RIPK4: variants seen among roughly 807,000 people sequenced by gnomAD.
RIPK4 encodes the protein receptor interacting serine/threonine kinase 4.
RIPK4 carries 17 observed loss-of-function variants against 42.9 expected under a neutral mutation model. The ratio of observed to expected loss-of-function variants is 0.40; its 90% CI spans 0.27 to 0.59. The LOEUF (loss-of-function observed/expected upper bound fraction) is 0.59. Among genes scored for constraint, RIPK4 ranks in the 20% least tolerant of loss-of-function variants. The probability of loss-of-function intolerance (pLI) is 0.47; values close to 1 mark genes in which losing one functional copy is unlikely to be tolerated. For missense variants in RIPK4, 897 were observed against 1,104.4 expected (o/e 0.81, Z 2.66); for synonymous variants, 498 against 499.1 (o/e 1.00, Z 0.03).
Position 41,746,750 on chromosome 21 carries a change from A to T in RIPK4, c.695T>A (p.Ile232Asn). The change falls in exon 5 of 8, where the codon ATC (isoleucine) becomes AAC (asparagine). Residue 232 changes from isoleucine (I) to asparagine (N), a missense_variant. Ile to Asn is a moderately radical substitution (Grantham distance 149). Transcript: ENST00000332512. ...PFADEKNILH[I>N]MVKVVKGHRP... ...GTGGCCCTTCACCACCTTCACCATG[A>T]TGTGCAGGATGTTCTTCTCATCTGC... The T allele has an allele frequency of 5.6e-6, 9 of 1,600,296 alleles. No homozygotes were observed. The highest frequency in any genetic ancestry group is 7.7e-6 in the Non-Finnish European group (9 of 1,174,154).
At chr21:41,760,977 G>A (rs1473835427) in intron 1 of RIPK4, among the ~76,000 whole-genome samples, 1 of 152,186 alleles carries the variant, frequency 6.6e-6, no homozygotes, top group East Asian at 1.9e-4. Flanking sequence ...GCCTGTGGGG[G>A]TCCCTGGGCT....
chr21:41,755,113 T>TG lies in RIPK4; in HGVS notation c.474+1411dup, dbSNP rs1211139832. On this transcript the variant is annotated intron_variant, in intron 2 of 7. Coordinates refer to ENST00000332512, the MANE Select transcript of RIPK4 (RefSeq NM_020639.3). The surrounding 1 kb of genome is among the most constrained non-coding windows in gnomAD (Gnocchi z 4.2). ...ACAAGCCCGTAAATGTTGGCGGGAA[T>TG]GGGGGGTCCGCATGTGAGGCCCAGC... is the stretch of plus-strand genomic sequence containing the variant. 3.3e-5 allele frequency among the ~76,000 whole-genome samples: 5 copies of TG among 151,802 alleles called. No homozygotes were observed. The highest frequency in any genetic ancestry group is 7.4e-5 in the Non-Finnish European group (5 of 67,936).
rs547713878 is a variant in RIPK4, at chr21:41,743,777, G to A, written c.1195+105C>T. 5.2e-4 allele frequency: 718 copies of A among 1,376,088 alleles called. 2 individuals are homozygous for A. The highest frequency in any genetic ancestry group is 5.1e-3 in the African/African-American group (355 of 69,180). The allele number at this position is 1,376,088 out of a possible 1,614,324, so 85.2% of individuals were successfully genotyped here. On this transcript the variant is annotated intron_variant, in intron 7 of 7. Transcript: ENST00000332512. Reference sequence around the variant, plus strand: ...GAGAACACAAAGAAGAATTCTTGCTGGGTCAAGAAACTGTCCCCTTGATTC... The same window carrying A: ...GAGAACACAAAGAAGAATTCTTGCTAGGTCAAGAAACTGTCCCCTTGATTC...
chr21:41,751,261 C>G lies in RIPK4; in HGVS notation c.475-16G>C, dbSNP rs767849591. ...AATCAGAAATCTGCAACACAGCCAT[C>G]AGAGCGGGGCTCATTAGCCTGCAAC... On this transcript the variant is annotated splice_polypyrimidine_tract_variant and intron_variant, in intron 2 of 7. Coordinates refer to ENST00000332512, the MANE Select transcript of RIPK4 (RefSeq NM_020639.3). This position sits in a 1 kb window ranked among gnomAD's most constrained non-coding sequence, Gnocchi z 4.5. 1.2e-6 allele frequency: 2 copies of G among 1,613,218 alleles called. No homozygotes were observed. The highest frequency in any genetic ancestry group is 1.7e-6 in the Non-Finnish European group (2 of 1,179,476).
Position 41,739,587 on chromosome 21 carries a change from C to G in RIPK4, c.*1251G>C, listed in dbSNP as rs2061146039. On this transcript the variant is annotated 3_prime_UTR_variant, in exon 8 of 8. Transcript: ENST00000332512. ...TATCAATCTCTATCATATACCAGGC[C>G]ACGGTACATGTTTGCACGCAGGGTC... The G allele has an allele frequency of 1.3e-5, 2 of 152,188 alleles. No homozygotes were observed. Among genetic ancestry groups the G allele is most frequent in the Non-Finnish European group, 2.9e-5 (2 of 68,038 alleles). 9.4% of individuals were successfully genotyped at this position (152,188 alleles called of 1,614,324 possible).
intron 4 of RIPK4, among the ~76,000 whole-genome samples, chr21:41,748,335 C>T (rs747481861): frequency 2.0e-5 from 3 of 152,226 alleles, no homozygotes; most frequent in Admixed American, 6.5e-5. Flanking sequence ...TAGACATTTT[C>T]GGTCACACCA....
intron 3 of RIPK4, among the ~76,000 whole-genome samples, chr21:41,749,668 T>C (rs1476999708): frequency 6.6e-6 from 1 of 152,090 alleles, no homozygotes; most frequent in Non-Finnish European, 1.5e-5. Context: ...CTGATCAGCG[T>C]TCCTAACGTA....
At chr21:41,756,288 T>C (rs550103340) in intron 2 of RIPK4, among the ~76,000 whole-genome samples, 17 of 152,304 alleles carry the variant, frequency 1.1e-4, no homozygotes, top group African/African-American at 2.9e-4. Flanking sequence ...ACAGCCCCCA[T>C]GTTCACCAAG....
chr21:41,741,693 C>G lies in RIPK4; in HGVS notation c.1500G>C (p.Lys500Asn), dbSNP rs1028473377. Residue 500 changes from lysine (K) to asparagine (N), a missense_variant, in exon 8 of 8, where the codon AAG becomes AAC. Coordinates refer to ENST00000332512, the MANE Select transcript of RIPK4 (RefSeq NM_020639.3). ...LLARKISVNA[K>N]DEDQWTALHF... ...GGAGGGCTGTCCACTGGTCCTCATC[C>G]TTGGCGTTGACACTGATCTTCCGCG... 4.3e-6 allele frequency: 7 copies of G among 1,613,750 alleles called. No homozygotes were observed. Among genetic ancestry groups the G allele is most frequent in the Non-Finnish European group, 5.9e-6 (7 of 1,180,024 alleles).
At chr21:41,750,401 C>T (rs1217760914) in intron 3 of RIPK4, among the ~76,000 whole-genome samples, 1 of 152,204 alleles carries the variant, frequency 6.6e-6, no homozygotes. Flanking sequence ...AGGTTAAGTG[C>T]CATGAAGAAG....
rs868444482 is a variant in RIPK4 at position 41,751,655 on chromosome 21, T to C, written c.475-410A>G. On this transcript the variant is annotated intron_variant, in intron 2 of 7. Transcript: ENST00000332512. The surrounding 1 kb of genome is among the most constrained non-coding windows in gnomAD (Gnocchi z 4.5). ...AAGAGAGACACATGTGAAGACCAGG[T>C]CTGCTCCTAGAGAAGTCGGGGAGCA... Among the ~76,000 whole-genome samples the C allele has an allele frequency of 1.3e-5, 2 of 152,208 alleles. No homozygotes were observed. Among genetic ancestry groups the C allele is most frequent in the Non-Finnish European group, 1.5e-5 (1 of 68,022 alleles).
rs1569098871 is a variant in RIPK4 at position 41,741,549 on chromosome 21, C to A, written c.1644G>T (p.Gly548=). 6 of 1,612,194 alleles carry A rather than the reference C, an allele frequency of 3.7e-6. No individual in the cohort carries two copies. Among genetic ancestry groups the A allele is most frequent in the Non-Finnish European group, 5.1e-6 (6 of 1,180,004 alleles). Residue 548 remains glycine, a synonymous_variant, in exon 8 of 8, where the codon GGG becomes GGT. Transcript: ENST00000332512. ...RTPMHVACQH[G]QENIVRILLR... is the part of the protein sequence containing the mutation. ...GCAGGATGCGCACGATATTCTCCTG[C>A]CCGTGCTGGCAGGCCACGTGCATGG... is the stretch of plus-strand genomic sequence containing the variant.
chr21:41,763,188 G>A (rs971277405), intron 1 of RIPK4, among the ~76,000 whole-genome samples: 1 of 152,168 alleles, frequency 6.6e-6, no homozygotes, highest in Non-Finnish European at 1.5e-5. Flanking sequence ...TTAACTTGGG[G>A]TTCAACTTTT....
At chr21:41,745,929 A>C in intron 5 of RIPK4, 67 bp from the exon 6 acceptor site, 50 of 1,218,964 alleles carry the variant, frequency 4.1e-5, no homozygotes, top group Non-Finnish European at 5.4e-5. Context: ...GTTCCATATA[A>C]ACGCAGGGCC....
chr21:41,740,565 T>G lies in RIPK4; in HGVS notation c.*273A>C, dbSNP rs1052236618. On this transcript the variant is annotated 3_prime_UTR_variant, in exon 8 of 8. Transcript: ENST00000332512. The stretch of plus-strand genomic sequence containing the variant: ...TGAGAGACCAGCCTCAGCGACCCAT[T>G]AGGAGCACAACGAAATGATTCTGAC... 2 of 461,372 alleles carry G rather than the reference T, an allele frequency of 4.3e-6. No homozygotes were observed. Among genetic ancestry groups the G allele is most frequent in the Non-Finnish European group, 7.7e-6 (2 of 260,572 alleles). The allele number at this position is 461,372 out of a possible 1,614,324, so 28.6% of individuals were successfully genotyped here. A position where few individuals can be genotyped will look rare whatever the true frequency, so the allele number is the denominator to read the frequency against.
intron 3 of RIPK4, among the ~76,000 whole-genome samples, chr21:41,750,803 G>A (rs565555375): frequency 1.9e-4 from 29 of 152,156 alleles, no homozygotes; most frequent in East Asian, 1.7e-3. Flanking sequence ...CCTCAGTCCC[G>A]AGTAGCTGGG....
At chr21:41,745,931 C>T (rs571834351) in intron 5 of RIPK4, 69 bp from the exon 6 acceptor site, 127 of 1,237,072 alleles carry the variant, frequency 1.0e-4, no homozygotes, top group East Asian at 6.0e-4. Flanking sequence ...TCCATATAAA[C>T]GCAGGGCCCC....
At chr21:41,757,503 C>A (rs930138261) in intron 1 of RIPK4, among the ~76,000 whole-genome samples, 5 of 138,722 alleles carry the variant, frequency 3.6e-5, no homozygotes, top group Admixed American at 2.9e-4. Flanking sequence ...GCCTGGGCAA[C>A]AAAGTAAAAC....
chr21:41,765,160 A>T (rs117441749), intron 1 of RIPK4, among the ~76,000 whole-genome samples: 1 of 152,336 alleles, frequency 6.6e-6, no homozygotes, highest in East Asian at 1.9e-4. Context: ...CTCTTCCAAT[A>T]TAAGAAAGTG....
Sources: gnomAD v4.1 joint callset for allele counts (sites outside exome capture counted in the v4.1 genomes callset) on GRCh38, gnomAD v4.1.1 for gene constraint, Gnocchi (gnomAD v3.1) non-coding constraint, MANE v1.5 for transcripts, NCBI Gene and HGNC (gene_info 2026-07-23, HGNC 2026-07-21) for gene names.